DDC: variants seen among roughly 807,000 people sequenced by gnomAD.
DDC encodes the protein aromatic-L-amino-acid decarboxylase.
In DDC, 43 loss-of-function variants were observed where a neutral mutation model predicts 60.0. The ratio of observed to expected loss-of-function variants is 0.72; its 90% CI spans 0.56 to 0.92. The LOEUF (loss-of-function observed/expected upper bound fraction) is 0.92. Ranked by LOEUF, DDC falls within the 40% of genes least tolerant of loss-of-function variation. DDC has a pLI of 0.00. For missense variants in DDC, 573 were observed against 620.2 expected (o/e 0.92, Z 0.81); for synonymous variants, 232 against 234.6 (o/e 0.99, Z 0.10).
intron 6 of DDC, among the ~76,000 whole-genome samples, chr7:50,516,887 A>G (rs973104774): frequency 6.6e-6 from 1 of 151,688 alleles, no homozygotes; most frequent in Non-Finnish European, 1.5e-5. Flanking sequence ...AGGAAGAATT[A>G]GATACCCTCA....
In DDC at chr7:50,492,892, G is replaced by T. The variant is rs781228960; in HGVS notation, c.944+2458C>A. ...CTCTGCAGCGTCTGCGGCAGCCTCG[G>T]GGCATCAGCTCTGCGGCAGGCACTC... is the stretch of plus-strand genomic sequence containing the variant. On this transcript the variant is annotated intron_variant, in intron 9 of 14. Transcript: ENST00000444124. The T allele has an allele frequency of 8.2e-6, 13 of 1,592,420 alleles. No homozygotes were observed. In the Middle Eastern group the frequency reaches 5.1e-4, roughly 62 times the overall value.
At chr7:50,563,632 C>T (rs963744207) in intron 1 of DDC, among the ~76,000 whole-genome samples, 6 of 152,128 alleles carry the variant, frequency 3.9e-5, no homozygotes, top group African/African-American at 9.7e-5. Context: ...GACAGAGTCT[C>T]ACTCTGTCAC....
intron 11 of DDC, among the ~76,000 whole-genome samples, chr7:50,475,525 G>T (rs563685020): frequency 4.3e-4 from 65 of 152,232 alleles, no homozygotes; most frequent in South Asian, 6.2e-4. Context: ...AGCTGTCACA[G>T]GAAGAAGGCA....
At chr7:50,485,900 T>C (rs1585166946) in intron 9 of DDC, among the ~76,000 whole-genome samples, 1 of 152,162 alleles carries the variant, frequency 6.6e-6, no homozygotes, top group East Asian at 1.9e-4. Context: ...ATCCTGCCTC[T>C]TAGATGGGAT....
chr7:50,513,873 G>A (rs2043654252), intron 6 of DDC, among the ~76,000 whole-genome samples: 1 of 151,866 alleles, frequency 6.6e-6, no homozygotes, highest in Admixed American at 6.6e-5. Flanking sequence ...CCCGCCTGGT[G>A]GTCGGTCCCT....
chr7:50,523,773 C>T (rs2043963366), intron 6 of DDC, among the ~76,000 whole-genome samples: 2 of 152,164 alleles, frequency 1.3e-5, no homozygotes, highest in South Asian at 2.1e-4. Flanking sequence ...CCTTATAAAA[C>T]TTTAAGCACA....
intron 6 of DDC, among the ~76,000 whole-genome samples, chr7:50,508,608 T>G (rs1387259924): frequency 6.6e-6 from 1 of 152,248 alleles, no homozygotes; most frequent in Non-Finnish European, 1.5e-5. Context: ...TCAGCTTTTC[T>G]GGTTCAAACC....
At chr7:50,491,032 A>C (rs1402375333) in intron 9 of DDC, among the ~76,000 whole-genome samples, 3 of 152,162 alleles carry the variant, frequency 2.0e-5, no homozygotes, top group Non-Finnish European at 4.4e-5. Context: ...ATTTGGGCTG[A>C]ATTCTAAAAT....
chr7:50,528,402 G>A, intron 5 of DDC, 122 bp from the exon 6 acceptor site: 2 of 1,203,810 alleles, frequency 1.7e-6, no homozygotes, highest in Non-Finnish European at 1.2e-6. Flanking sequence ...GGCACAGGAG[G>A]CAGAACTGCT....
chr7:50,469,607 A>T (rs1275377846), intron 12 of DDC, among the ~76,000 whole-genome samples: 1 of 152,182 alleles, frequency 6.6e-6, no homozygotes, highest in Non-Finnish European at 1.5e-5. Context: ...AACGAAAGTG[A>T]CTTAACAGAT....
intron 11 of DDC, among the ~76,000 whole-genome samples, chr7:50,471,316 G>A (rs2042525347): frequency 6.6e-6 from 1 of 152,180 alleles, no homozygotes; most frequent in South Asian, 2.1e-4. Flanking sequence ...GGAGGCGGAG[G>A]TTGCAGTGAG....
intron 1 of DDC, among the ~76,000 whole-genome samples, chr7:50,553,138 C>A (rs967499230): frequency 6.6e-6 from 1 of 152,190 alleles, no homozygotes; most frequent in Non-Finnish European, 1.5e-5. Context: ...CTCACAAGCC[C>A]GGAGTGGGGA....
chr7:50,512,567 C>G (rs4947594), intron 6 of DDC, among the ~76,000 whole-genome samples: 1 of 152,156 alleles, frequency 6.6e-6, no homozygotes, highest in African/African-American at 2.4e-5. Context: ...GAGCATGTGT[C>G]CCTGGAGCAG....
chr7:50,521,071 C>G (rs565184797), intron 6 of DDC, among the ~76,000 whole-genome samples: 16 of 151,894 alleles, frequency 1.1e-4, no homozygotes, highest in African/African-American at 3.4e-4. Context: ...AACATTTATA[C>G]AGGTTAAGAA....
intron 6 of DDC, among the ~76,000 whole-genome samples, chr7:50,507,347 C>A (rs2043427159): frequency 6.6e-6 from 1 of 152,138 alleles, no homozygotes; most frequent in African/African-American, 2.4e-5. Context: ...AAGTGATTCT[C>A]CTGCCTCAGT....
chr7:50,489,966 T>C (rs2042965403), intron 9 of DDC, among the ~76,000 whole-genome samples: 1 of 152,224 alleles, frequency 6.6e-6, no homozygotes, highest in African/African-American at 2.4e-5. Context: ...CCTCATACTG[T>C]CTTTATTAGA....
At chr7:50,523,795 C>A (rs2100279) in intron 6 of DDC, among the ~76,000 whole-genome samples, 1 of 152,086 alleles carries the variant, frequency 6.6e-6, no homozygotes, top group Admixed American at 6.5e-5. Context: ...TCTTACCATA[C>A]GATCCAGCAA....
chr7:50,470,233 G>A (rs567861805), intron 11 of DDC, 62 bp from the exon 12 acceptor site: 12 of 1,218,902 alleles, frequency 9.8e-6, no homozygotes, highest in Middle Eastern at 1.9e-4. Flanking sequence ...CTTCCTTTTC[G>A]GCTCACCGGC....
chr7:50,492,335 A>C (rs1315188092), intron 9 of DDC, among the ~76,000 whole-genome samples: 1 of 152,258 alleles, frequency 6.6e-6, no homozygotes, highest in Non-Finnish European at 1.5e-5. Context: ...ATCAACATTC[A>C]TGCCATTTTT....
Sources: allele counts gnomAD v4.1 joint callset (sites outside exome capture counted in the v4.1 genomes callset), GRCh38; gene constraint gnomAD v4.1.1; transcripts MANE v1.5; gene names NCBI Gene and HGNC (gene_info 2026-07-23, HGNC 2026-07-21).